Variants in SLC45A2 observed in about 807,000 individuals in gnomAD.
The protein encoded by SLC45A2 is solute carrier family 45 member 2.
SLC45A2 carries 36 observed loss-of-function variants against 45.5 expected under a neutral mutation model. The observed-to-expected ratio is 0.79, with a 90% CI of 0.61 to 1.04. The LOEUF (loss-of-function observed/expected upper bound fraction) is 1.04, where lower values mean the gene tolerates loss of function less well. Ranked by LOEUF, SLC45A2 falls within the 50% of genes least tolerant of loss-of-function variation. SLC45A2 has a pLI of 0.00. For missense variants in SLC45A2, 719 were observed against 671.0 expected (o/e 1.07, Z -0.79); for synonymous variants, 306 against 269.3 (o/e 1.14, Z -1.33).
At chr5:33,950,519 C>G (rs1316942167) in intron 5 of SLC45A2, among the ~76,000 whole-genome samples, 1 of 152,146 alleles carries the variant, frequency 6.6e-6, no homozygotes, top group Non-Finnish European at 1.5e-5. Flanking sequence ...CCCAATTGGG[C>G]TAAATTTTTA....
chr5:33,979,035 A>G (rs1753002979), intron 2 of SLC45A2, among the ~76,000 whole-genome samples: 1 of 152,236 alleles, frequency 6.6e-6, no homozygotes, highest in Non-Finnish European at 1.5e-5. Context: ...AATACTGTCA[A>G]TGAAAAGAGT....
At chr5:33,955,555 T>G (rs547239555) in intron 3 of SLC45A2, among the ~76,000 whole-genome samples, 3 of 152,284 alleles carry the variant, frequency 2.0e-5, no homozygotes, top group African/African-American at 7.2e-5. Flanking sequence ...GTTATATCTC[T>G]GAATCCTAAT....
chr5:33,956,815 C>T (rs1228932427), intron 3 of SLC45A2, among the ~76,000 whole-genome samples: 1 of 152,132 alleles, frequency 6.6e-6, no homozygotes, highest in African/African-American at 2.4e-5. Flanking sequence ...ATCTCCAGGA[C>T]CCCCAGTTCT....
In SLC45A2 at chr5:33,944,666, A is replaced by AAAGAGAGC. The variant is rs780732891; in HGVS notation, c.1567_1574dup (p.Phe525LeufsTer16). The AAAGAGAGC allele has an allele frequency of 6.2e-7, 1 of 1,614,176 alleles. No homozygotes were observed. Among genetic ancestry groups the AAAGAGAGC allele is most frequent in the Non-Finnish European group, 8.5e-7 (1 of 1,180,020 alleles). Reference sequence around the variant, plus strand: ...TATTGACCTAATCCACATATCTAACAAAGAGAGCGACAAAGCAACAGCCTA... The same window carrying AAAGAGAGC: ...TATTGACCTAATCCACATATCTAACAAAGAGAGCAAGAGAGCGACAAAGCAACAGCCTA... On this transcript the variant is annotated frameshift_variant, in exon 7 of 7. Transcript: ENST00000296589. LOFTEE classifies it high-confidence loss of function.
At chr5:33,977,308 C>A (rs912626763) in intron 2 of SLC45A2, among the ~76,000 whole-genome samples, 5 of 152,158 alleles carry the variant, frequency 3.3e-5, no homozygotes, top group African/African-American at 1.2e-4. Context: ...CCAAACAGAC[C>A]ATAAAGGCCC....
In SLC45A2 at chr5:33,947,195, T is replaced by C. The variant is rs151214882; in HGVS notation, c.1336A>G (p.Ile446Val). 6.2e-7 allele frequency: 1 copy of C among 1,614,100 alleles called. No individual in the cohort carries two copies. Among genetic ancestry groups the C allele is most frequent in the Admixed American group, 1.7e-5 (1 of 60,016 alleles). The change falls in exon 6 of 7, where the codon ATT becomes GTT. Residue 446 changes from isoleucine (I) to valine (V), a missense_variant. Coordinates refer to ENST00000296589, the MANE Select transcript of SLC45A2 (RefSeq NM_016180.5). ...STLYTVPFNL[I>V]TEYHREEEKE... ...TCTTCCTCGCGGTGGTACTCAGTAA[T>C]GAGGTTAAAGGGCACAGTGTACAGG...
chr5:33,976,501 A>G (rs1331723073), intron 2 of SLC45A2, among the ~76,000 whole-genome samples: 2 of 152,126 alleles, frequency 1.3e-5, no homozygotes, highest in African/African-American at 4.8e-5. Context: ...CTAAGCTGGG[A>G]GGTGGTAAAA....
chr5:33,979,747 G>T (rs1753020493), intron 2 of SLC45A2, among the ~76,000 whole-genome samples: 1 of 152,116 alleles, frequency 6.6e-6, no homozygotes, highest in East Asian at 1.9e-4. Context: ...AGGGACAGAG[G>T]TATAATGAGG....
chr5:33,945,454 T>G (rs1579530261), intron 6 of SLC45A2, among the ~76,000 whole-genome samples: 2 of 152,334 alleles, frequency 1.3e-5, no homozygotes, highest in Admixed American at 1.3e-4. Flanking sequence ...TTGATTAATA[T>G]AATAATGTTT....
chr5:33,971,616 G>T (rs1034280131), intron 2 of SLC45A2, among the ~76,000 whole-genome samples: 1 of 151,882 alleles, frequency 6.6e-6, no homozygotes, highest in African/African-American at 2.4e-5. Context: ...TTTTTAATTA[G>T]TTAATTAATT....
intron 2 of SLC45A2, among the ~76,000 whole-genome samples, chr5:33,969,587 C>T (rs1203767259): frequency 1.3e-5 from 2 of 152,122 alleles, no homozygotes; most frequent in Non-Finnish European, 2.9e-5. Flanking sequence ...CTTCAGAGTT[C>T]CGAAAGCCCT....
intron 3 of SLC45A2, 35 bp from the exon 4 acceptor site, chr5:33,954,539 A>C (rs1384284052): frequency 1.2e-6 from 2 of 1,612,282 alleles, no homozygotes; most frequent in Admixed American, 3.3e-5. Context: ...TGTGATCTTC[A>C]CTGCAGAAAC....
chr5:33,947,091 T>C, intron 6 of SLC45A2, 72 bp downstream of exon 6: 2 of 1,614,000 alleles, frequency 1.2e-6, no homozygotes, highest in Non-Finnish European at 8.5e-7. Flanking sequence ...CTCTACACAT[T>C]GCTACCAAAT....
intron 1 of SLC45A2, among the ~76,000 whole-genome samples, chr5:33,983,514 A>T (rs1753142080): frequency 6.6e-6 from 1 of 152,230 alleles, no homozygotes; most frequent in South Asian, 2.1e-4. Flanking sequence ...ATAATTGATT[A>T]TCCTGCCTCA....
intron 2 of SLC45A2, among the ~76,000 whole-genome samples, chr5:33,971,791 T>A (rs1752783685): frequency 6.6e-6 from 1 of 152,126 alleles, no homozygotes; most frequent in African/African-American, 2.4e-5. Flanking sequence ...CATGCCTGGC[T>A]AATTTTTGTG....
At chr5:33,967,767 A>AT (rs1262142375) in intron 2 of SLC45A2, among the ~76,000 whole-genome samples, 4 of 148,844 alleles carry the variant, frequency 2.7e-5, no homozygotes, top group African/African-American at 1.0e-4. Flanking sequence ...TTAGTCTAGC[A>AT]TTTTTTATTT....
chr5:33,959,218 CA>C (rs898050878), intron 3 of SLC45A2, among the ~76,000 whole-genome samples: 3 of 151,812 alleles, frequency 2.0e-5, no homozygotes, highest in Non-Finnish European at 4.4e-5. Flanking sequence ...TGTTTTCTCC[CA>C]AAAAAAGATG....
Position 33,962,964 on chromosome 5 carries a change from G to T in SLC45A2, c.888+727C>A, listed in dbSNP as rs577268692. Among the ~76,000 whole-genome samples, 180 of 152,344 alleles carry T rather than the reference G, an allele frequency of 1.2e-3. 1 individual carries two copies. The highest frequency in any genetic ancestry group is 4.2e-3 in the African/African-American group (173 of 41,580). On this transcript the variant is annotated intron_variant, in intron 3 of 6. Coordinates refer to ENST00000296589, the MANE Select transcript of SLC45A2 (RefSeq NM_016180.5). ...TTTCATCAGTGTTGTCCAACAGAAC[G>T]TTCTACAATGATGGGAATGTCTTAC... is the stretch of plus-strand genomic sequence containing the variant.
At chr5:33,965,810 A>C (rs1752587790) in intron 2 of SLC45A2, among the ~76,000 whole-genome samples, 1 of 152,252 alleles carries the variant, frequency 6.6e-6, no homozygotes, top group Non-Finnish European at 1.5e-5. Flanking sequence ...GAATGTATTA[A>C]GTCTGCTCCC....
Sources: allele counts gnomAD v4.1 joint callset (sites outside exome capture counted in the v4.1 genomes callset), GRCh38; gene constraint gnomAD v4.1.1; transcripts MANE v1.5; gene names NCBI Gene and HGNC (gene_info 2026-07-23, HGNC 2026-07-21).